KLHL1: variants seen among roughly 807,000 people sequenced by gnomAD.
The protein encoded by KLHL1 is kelch like family member 1.
Under a neutral mutation model 77.7 loss-of-function variants are expected in KLHL1, and 47 were observed. That is an observed-to-expected ratio of 0.60 (90% CI 0.48 to 0.77). The LOEUF (loss-of-function observed/expected upper bound fraction) is 0.77, where lower values mean the gene tolerates loss of function less well. KLHL1 is among the 30% of genes least tolerant of loss of function. KLHL1 has a pLI of 0.00. For synonymous variants in KLHL1, 360 were observed against 325.2 expected, an observed-to-expected ratio of 1.11 and a Z score of -1.15; for missense variants, 925 against 910.8, an observed-to-expected ratio of 1.02 and a Z score of -0.20.
intron 1 of KLHL1, among the ~76,000 whole-genome samples, chr13:70,068,053 A>C (rs1887051336): frequency 6.6e-6 from 1 of 151,826 alleles, no homozygotes; most frequent in African/African-American, 2.4e-5. Context: ...AGTAAAAAAA[A>C]AAAAAGGGCC....
At chr13:69,943,089 TTTTTC>T (rs1476539926) in intron 3 of KLHL1, among the ~76,000 whole-genome samples, 10 of 152,004 alleles carry the variant, frequency 6.6e-5, no homozygotes, top group Admixed American at 6.6e-4. Context: ...TGGTGAAGTT[TTTTTC>T]TTTTTTCTTT....
chr13:69,961,882 T>G (rs1449488512), intron 2 of KLHL1, among the ~76,000 whole-genome samples: 1 of 152,026 alleles, frequency 6.6e-6, no homozygotes, highest in Non-Finnish European at 1.5e-5. Flanking sequence ...TAGAAATATG[T>G]CTTTATAACC....
chr13:69,809,546 A>T (rs148716485), intron 6 of KLHL1, among the ~76,000 whole-genome samples: 1 of 152,142 alleles, frequency 6.6e-6, no homozygotes, highest in African/African-American at 2.4e-5. Flanking sequence ...TCTATGAGAG[A>T]TGCTTAAGGG....
At chr13:69,971,659 A>T (rs1884385216) in intron 2 of KLHL1, among the ~76,000 whole-genome samples, 1 of 151,876 alleles carries the variant, frequency 6.6e-6, no homozygotes, top group South Asian at 2.1e-4. Context: ...TATACTACTC[A>T]TTTCCTTATT....
chr13:69,879,716 A>G (rs1340289914), intron 5 of KLHL1, among the ~76,000 whole-genome samples: 1 of 152,190 alleles, frequency 6.6e-6, no homozygotes, highest in Admixed American at 6.5e-5. Context: ...ATTGAGGCAA[A>G]TATGAAACCA....
Position 69,882,382 on chromosome 13 carries a change from G to A in KLHL1, c.1128C>T (p.Phe376=), listed in dbSNP as rs1274880222. ...ACTTGACCCACATCATCAATGCATG[G>A]AAGATGGTTTCTTCATCAGGAACAT... The part of the protein sequence containing the change: ...DVNVPDEETI[F]HALMMWVKYD... Residue 376 remains phenylalanine, a synonymous_variant, in exon 5 of 11, where the codon TTC becomes TTT. Transcript: ENST00000377844. The A allele has an allele frequency of 2.5e-6, 4 of 1,613,494 alleles. No individual in the cohort carries two copies. Among genetic ancestry groups the A allele is most frequent in the African/African-American group, 1.3e-5 (1 of 74,894 alleles).
At chr13:69,768,629 T>G (rs749612154) in intron 7 of KLHL1, among the ~76,000 whole-genome samples, 7 of 152,070 alleles carry the variant, frequency 4.6e-5, no homozygotes, top group Non-Finnish European at 1.0e-4. Flanking sequence ...CTGCATTGTA[T>G]TTAATTTACT....
chr13:70,022,199 T>A (rs1475246924), intron 1 of KLHL1, among the ~76,000 whole-genome samples: 3 of 151,924 alleles, frequency 2.0e-5, no homozygotes, highest in Non-Finnish European at 4.4e-5. Flanking sequence ...GATGCGGCTA[T>A]CCAGTTGTTC....
In KLHL1 at chr13:70,038,419, T is replaced by C. The variant is rs555642574; in HGVS notation, c.498-62617A>G. On this transcript the variant is annotated intron_variant, in intron 1 of 10. Coordinates refer to ENST00000377844, the MANE Select transcript of KLHL1 (RefSeq NM_020866.3). ...ATTCAGTTTTTACTGATAAATGTCC[T>C]GGAGGGCAATTGCTGGGTCATGTGC... is the stretch of plus-strand genomic sequence containing the variant. Among the ~76,000 whole-genome samples the C allele has an allele frequency of 1.7e-3, 254 of 152,232 alleles. 1 individual carries two copies. Among genetic ancestry groups the C allele is most frequent in the African/African-American group, 6.0e-3 (248 of 41,546 alleles).
intron 1 of KLHL1, among the ~76,000 whole-genome samples, chr13:70,024,628 C>G (rs199759411): frequency 5.7e-5 from 4 of 70,014 alleles, no homozygotes; most frequent in Non-Finnish European, 8.7e-5. Context: ...ATTTCTCTCT[C>G]TCTCTCTCTC....
rs180814618 is a variant in KLHL1 at position 69,831,534 on chromosome 13, G to A, written c.1414+7442C>T. On this transcript the variant is annotated intron_variant, in intron 6 of 10. Transcript: ENST00000377844. ...ATATCAGATATTCAAGGAAGAATTG[G>A]TACCAATTCTATTGAAACTATTCCA... 8.0e-5 allele frequency among the ~76,000 whole-genome samples: 12 copies of A among 149,910 alleles called. 1 individual carries two copies. The highest frequency in any genetic ancestry group is 7.3e-4 in the Admixed American group (11 of 15,020).
intron 9 of KLHL1, among the ~76,000 whole-genome samples, chr13:69,716,433 T>A (rs7337362): frequency 0.34 from 51,745 of 152,040 alleles, 8,980 homozygotes; most frequent in Non-Finnish European, 0.37. Context: ...GAAAGAGTTT[T>A]AATTATAATG....
At chr13:69,993,264 C>A (rs771009614) in intron 1 of KLHL1, among the ~76,000 whole-genome samples, 14 of 152,000 alleles carry the variant, frequency 9.2e-5, no homozygotes, top group Non-Finnish European at 1.3e-4. Context: ...ATAGCAGAAC[C>A]ACCACGCTTG....
chr13:69,969,543 T>C (rs1399333960), intron 2 of KLHL1, among the ~76,000 whole-genome samples: 5 of 152,014 alleles, frequency 3.3e-5, no homozygotes. Context: ...CAACATAAAG[T>C]TAACCAGCTT....
intron 2 of KLHL1, 45 bp from the exon 3 acceptor site, chr13:69,961,489 G>A (rs1884064109): frequency 6.2e-7 from 1 of 1,604,484 alleles, no homozygotes; most frequent in Non-Finnish European, 8.5e-7. Flanking sequence ...ATGTAAGGCA[G>A]AAAATCACTG....
intron 1 of KLHL1, among the ~76,000 whole-genome samples, chr13:69,983,018 A>T (rs923705713): frequency 6.6e-6 from 1 of 152,166 alleles, no homozygotes; most frequent in Non-Finnish European, 1.5e-5. Flanking sequence ...GTTTCAAGAT[A>T]TAAAATCAAA....
intron 1 of KLHL1, among the ~76,000 whole-genome samples, chr13:70,015,125 T>A (rs1217293907): frequency 6.6e-6 from 1 of 152,144 alleles, no homozygotes; most frequent in African/African-American, 2.4e-5. Flanking sequence ...CATATGGTCA[T>A]GTGCCACTAA....
chr13:69,907,120 G>A (rs1437786937), intron 4 of KLHL1, among the ~76,000 whole-genome samples: 1 of 152,000 alleles, frequency 6.6e-6, no homozygotes, highest in Non-Finnish European at 1.5e-5. Flanking sequence ...CTTAAAAACA[G>A]TGAAGCAGTT....
At chr13:69,958,060 G>C (rs1266976786) in intron 3 of KLHL1, among the ~76,000 whole-genome samples, 1 of 151,460 alleles carries the variant, frequency 6.6e-6, no homozygotes, top group Admixed American at 6.6e-5. Flanking sequence ...CTAAATAGTT[G>C]CAAGAATTAT....
Sources: gnomAD v4.1 joint callset for allele counts (sites outside exome capture counted in the v4.1 genomes callset) on GRCh38, gnomAD v4.1.1 for gene constraint, MANE v1.5 for transcripts, NCBI Gene and HGNC (gene_info 2026-07-23, HGNC 2026-07-21) for gene names.